The following DENND5A variants were observed in gnomAD, a reference collection of about 807,000 sequenced individuals.
DENND5A encodes the protein DENN domain-containing protein 5A.
In DENND5A, 64 loss-of-function variants were observed where a neutral mutation model predicts 140.3. The ratio of observed to expected loss-of-function variants is 0.46; its 90% confidence interval spans 0.37 to 0.56. The LOEUF is 0.56. Among genes scored for constraint, DENND5A ranks in the 20% least tolerant of loss-of-function variants. The pLI is 0.00. For synonymous variants in DENND5A, 605 were observed against 607.7 expected, an observed-to-expected ratio of 1.00 and a Z score of 0.07; for missense variants, 1,292 against 1,593.8, an observed-to-expected ratio of 0.81 and a Z score of 3.22.
At chr11:9,145,499 C>G (rs984893501) in intron 17 of DENND5A, 171 bp downstream of exon 17, 2 of 756,362 alleles carry the variant, frequency 2.6e-6, no homozygotes, top group Non-Finnish European at 4.4e-6. Flanking sequence ...TGGGGTCCCC[C>G]TCCTCAGGGT....
At chr11:9,204,799 T>C (rs747527556) in intron 3 of DENND5A, among the ~76,000 whole-genome samples, 2 of 152,112 alleles carry the variant, frequency 1.3e-5, no homozygotes, top group Admixed American at 6.5e-5. Flanking sequence ...GAGACGGAGG[T>C]TGCAGTGAGC....
At chr11:9,141,809 A>G (rs1303257154) in intron 22 of DENND5A, 131 bp downstream of exon 22, 2 of 752,922 alleles carry the variant, frequency 2.7e-6, no homozygotes, top group Non-Finnish European at 3.9e-6. Context: ...CAGGGCTTCT[A>G]GGAAACCTTC....
rs574924127 is a variant in DENND5A at position 9,192,432 on chromosome 11, G to T, written c.1137+1062C>A. Among the ~76,000 whole-genome samples the T allele has an allele frequency of 3.9e-3, 600 of 152,248 alleles. 1 individual carries two copies. The highest frequency in any genetic ancestry group is 6.6e-3 in the Non-Finnish European group (451 of 68,014). On this transcript the variant is annotated intron_variant, in intron 5 of 22. Coordinates refer to ENST00000328194, the MANE Select transcript of DENND5A (RefSeq NM_015213.4). ...TCATGAGGTCAGGCGTTCGAGACCA[G>T]CCTGGCCAACATAGTGAAACCCCGT...
At chr11:9,262,191 G>T (rs763608571) in intron 1 of DENND5A, among the ~76,000 whole-genome samples, 7 of 152,108 alleles carry the variant, frequency 4.6e-5, no homozygotes, top group Non-Finnish European at 1.0e-4. Flanking sequence ...TGAGGACCCT[G>T]ACAGGGTTAT....
chr11:9,198,340 C>A (rs989525710), intron 4 of DENND5A, among the ~76,000 whole-genome samples: 2 of 150,688 alleles, frequency 1.3e-5, no homozygotes, highest in Admixed American at 1.3e-4. Flanking sequence ...CAGGGCTGGG[C>A]GCAGTGGCTC....
At chr11:9,184,123 C>T (rs1336600669) in intron 5 of DENND5A, among the ~76,000 whole-genome samples, 4 of 151,948 alleles carry the variant, frequency 2.6e-5, no homozygotes, top group Non-Finnish European at 5.9e-5. Context: ...GAGGCCGAGG[C>T]GGGCGCATCA....
At chr11:9,250,757 T>A (rs914766585) in intron 1 of DENND5A, among the ~76,000 whole-genome samples, 8 of 152,232 alleles carry the variant, frequency 5.3e-5, no homozygotes, top group African/African-American at 1.9e-4. Flanking sequence ...TATCTCTGAT[T>A]TCTAGCTCTG....
intron 1 of DENND5A, among the ~76,000 whole-genome samples, chr11:9,216,045 G>A (rs960629800): frequency 6.6e-6 from 1 of 152,176 alleles, no homozygotes. Context: ...GGGTCCCCAT[G>A]CTCTCCTCAA....
At chr11:9,235,529 G>A (rs984066968) in intron 1 of DENND5A, among the ~76,000 whole-genome samples, 1 of 150,174 alleles carries the variant, frequency 6.7e-6, no homozygotes, top group Non-Finnish European at 1.5e-5. Context: ...ACGATGGCGG[G>A]CACCTGTAAT....
At chr11:9,215,550 C>CCTTTTTTTTT (rs752413334) in intron 1 of DENND5A, among the ~76,000 whole-genome samples, 2 of 140,524 alleles carry the variant, frequency 1.4e-5, no homozygotes. Flanking sequence ...ATCCTGTGTT[C>CCTTTTTTTTT]TTTTTTTTTT....
chr11:9,205,621 A>C (rs764931142), intron 3 of DENND5A, among the ~76,000 whole-genome samples: 13 of 152,216 alleles, frequency 8.5e-5, no homozygotes, highest in Non-Finnish European at 1.6e-4. Flanking sequence ...GGCCAGGTGC[A>C]GTGGCTCACG....
At position 9,180,811 on chromosome 11, in the gene DENND5A, G is replaced by C; in HGVS notation, c.1411C>G (p.Arg471Gly). The C allele has an allele frequency of 4.3e-6, 7 of 1,614,154 alleles. No individual in the cohort carries two copies. Among genetic ancestry groups the C allele is most frequent in the African/African-American group, 1.3e-5 (1 of 75,034 alleles). ...GTTCTCTTGACCAAGGCTTGCAGCC[G>C]GGCAATAGTTTCATTCTCCTTAAGA... is the stretch of plus-strand genomic sequence containing the variant. ...ELLKENETIA[R>G]LQALVKRTGV... Residue 471 changes from arginine (R) to glycine (G), a missense_variant, in exon 6 of 23, where the codon CGG becomes GGG. Arg to Gly is a moderately radical substitution (Grantham distance 125). Coordinates refer to ENST00000328194, the MANE Select transcript of DENND5A (RefSeq NM_015213.4).
At chr11:9,157,342 T>C (rs1018568657) in intron 12 of DENND5A, among the ~76,000 whole-genome samples, 2 of 152,218 alleles carry the variant, frequency 1.3e-5, no homozygotes, top group Non-Finnish European at 2.9e-5. Flanking sequence ...TTTTAACTTT[T>C]ATTTTAGGTT....
intron 11 of DENND5A, among the ~76,000 whole-genome samples, chr11:9,162,447 C>G (rs530765115): frequency 3.4e-4 from 52 of 151,926 alleles, no homozygotes; most frequent in African/African-American, 1.2e-3. Flanking sequence ...CCATGTTGGT[C>G]AGGCTGGTCT....
At chr11:9,150,569 G>T in intron 14 of DENND5A, 111 bp downstream of exon 14, 1 of 716,372 alleles carries the variant, frequency 1.4e-6, no homozygotes. Context: ...GGGCTTCCAT[G>T]TTAGCTGAGA....
At chr11:9,236,348 A>G in intron 1 of DENND5A, among the ~76,000 whole-genome samples, 1 of 152,082 alleles carries the variant, frequency 6.6e-6, no homozygotes, top group Non-Finnish European at 1.5e-5. Flanking sequence ...CCTGGCCAAT[A>G]TGGCGAAACC....
rs1851657163 is a variant in DENND5A at position 9,250,077 on chromosome 11, G to A, written c.109+14884C>T. Among the ~76,000 whole-genome samples the A allele has an allele frequency of 2.0e-5, 3 of 151,138 alleles. No homozygotes were observed. In the South Asian group the frequency reaches 6.3e-4, roughly 32 times the overall value. ...AAAAAAAAATCCTTAAAATTTCTCAGGTGTTTTCCATATCATTTTATTATC... is the reference window on the plus strand; with the variant it reads ...AAAAAAAAATCCTTAAAATTTCTCAAGTGTTTTCCATATCATTTTATTATC... On this transcript the variant is annotated intron_variant, in intron 1 of 22. Transcript: ENST00000328194.
At chr11:9,228,701 AGAGT>A (rs1444661839) in intron 1 of DENND5A, among the ~76,000 whole-genome samples, 2 of 149,758 alleles carry the variant, frequency 1.3e-5, no homozygotes, top group East Asian at 3.9e-4. Context: ...CCTGGGCAGC[AGAGT>A]GAGACACCGT....
intron 4 of DENND5A, among the ~76,000 whole-genome samples, chr11:9,202,029 G>A (rs555521529): frequency 5.9e-5 from 9 of 152,120 alleles, no homozygotes; most frequent in Non-Finnish European, 1.3e-4. Context: ...GACAGTATGT[G>A]CCTCCTAATA....
Sources: gnomAD v4.1 joint callset for allele counts (sites outside exome capture counted in the v4.1 genomes callset) on GRCh38, gnomAD v4.1.1 for gene constraint, MANE v1.5 for transcripts, NCBI Gene and HGNC (gene_info 2026-07-23, HGNC 2026-07-21) for gene names.